RALYL: variants seen among roughly 807,000 people sequenced by gnomAD.
The protein encoded by RALYL is RNA-binding Raly-like protein.
A neutral mutation model predicts 35.1 loss-of-function variants in RALYL; 29 were observed. The observed-to-expected ratio is 0.83, with a 90% confidence interval of 0.61 to 1.13. The LOEUF (loss-of-function observed/expected upper bound fraction) is 1.13, where lower values mean the gene tolerates loss of function less well. Ranked by LOEUF, RALYL falls within the 50% of genes most tolerant of loss-of-function variation. The pLI, the probability that RALYL is intolerant of heterozygous loss-of-function variation, is 0.00. For synonymous variants in RALYL, 120 were observed against 127.6 expected, an observed-to-expected ratio of 0.94 and a Z score of 0.40; for missense variants, 359 against 360.4, an observed-to-expected ratio of 1.00 and a Z score of 0.03.
chr8:84,491,394 A>G (rs1381847554), intron 1 of RALYL, among the ~76,000 whole-genome samples: 1 of 152,074 alleles, frequency 6.6e-6, no homozygotes, highest in East Asian at 1.9e-4. Flanking sequence ...ACAAAGAGAA[A>G]TGTATTTAAA....
intron 1 of RALYL, among the ~76,000 whole-genome samples, chr8:84,426,086 G>T (rs920754608): frequency 6.6e-6 from 1 of 152,034 alleles, no homozygotes; most frequent in Admixed American, 6.6e-5. Flanking sequence ...TTAATGAAAT[G>T]TATTATTTAA....
At position 84,184,989 on chromosome 8, in the gene RALYL, C is replaced by T. The variant is rs768970140; in HGVS notation, c.-24+565C>T. On this transcript the variant is annotated intron_variant, in intron 1 of 8. Transcript: ENST00000521268. ...CCTCGCACGCTCAACTCCTGCTCCT[C>T]CTCTTCGCAATGAGTAAACGACGCA... The T allele has an allele frequency of 5.0e-6, 8 of 1,613,944 alleles. No individual in the cohort carries two copies. In the East Asian group the frequency reaches 1.3e-4, roughly 27 times the overall value.
intron 1 of RALYL, among the ~76,000 whole-genome samples, chr8:84,345,676 C>T (rs913409222): frequency 1.1e-4 from 16 of 152,036 alleles, no homozygotes; most frequent in South Asian, 2.1e-4. Flanking sequence ...CCTTCCTTCA[C>T]GCCCTAATAT....
chr8:84,424,872 G>C (rs1020264204), intron 1 of RALYL, among the ~76,000 whole-genome samples: 1 of 151,750 alleles, frequency 6.6e-6, no homozygotes, highest in Non-Finnish European at 1.5e-5. Context: ...GGGGGTCAGG[G>C]GTCAGGGACC....
At chr8:84,467,598 G>T (rs1041720414) in intron 1 of RALYL, among the ~76,000 whole-genome samples, 10 of 151,134 alleles carry the variant, frequency 6.6e-5, no homozygotes, top group African/African-American at 1.9e-4. Flanking sequence ...GTGGTGTGGT[G>T]CTGAAAAAAA....
At chr8:84,919,165 T>A (rs561176560) in intron 8 of RALYL, among the ~76,000 whole-genome samples, 1 of 152,056 alleles carries the variant, frequency 6.6e-6, no homozygotes, top group South Asian at 2.1e-4. Flanking sequence ...TGCTACAGTA[T>A]TTTTAGCATT....
intron 1 of RALYL, among the ~76,000 whole-genome samples, chr8:84,450,707 C>A (rs1322688958): frequency 6.6e-6 from 1 of 151,810 alleles, no homozygotes; most frequent in African/African-American, 2.4e-5. Context: ...AAGTTAGGCA[C>A]TTTATGGAAT....
At chr8:84,839,409 C>T (rs539823450) in intron 4 of RALYL, among the ~76,000 whole-genome samples, 51 of 152,296 alleles carry the variant, frequency 3.3e-4, no homozygotes, top group Admixed American at 1.2e-3. Context: ...AAGGGGGCAG[C>T]GAAGCTGGGG....
intron 2 of RALYL, among the ~76,000 whole-genome samples, chr8:84,619,832 C>A (rs1403616527): frequency 4.8e-4 from 73 of 150,912 alleles, no homozygotes; most frequent in Admixed American, 2.1e-3. Context: ...GTAAAGTATT[C>A]TATTTCTCCT....
intron 1 of RALYL, among the ~76,000 whole-genome samples, chr8:84,202,367 ATTT>A (rs1187950600): frequency 0.052 from 5,925 of 113,462 alleles, 389 homozygotes; most frequent in African/African-American, 0.18. Flanking sequence ...TATTGAAGGG[ATTT>A]TTTTTTTTTT....
At chr8:84,390,916 A>T (rs1860529664) in intron 1 of RALYL, among the ~76,000 whole-genome samples, 1 of 151,976 alleles carries the variant, frequency 6.6e-6, no homozygotes. Flanking sequence ...GAGGGACTGA[A>T]GCAGTCATCT....
intron 1 of RALYL, among the ~76,000 whole-genome samples, chr8:84,445,677 T>G (rs1055833948): frequency 1.2e-4 from 18 of 151,596 alleles, no homozygotes; most frequent in Admixed American, 8.5e-4. Context: ...ATAACATATA[T>G]AGCTTCACAT....
chr8:84,262,821 TAA>T (rs1832567798), intron 1 of RALYL, among the ~76,000 whole-genome samples: 1 of 152,136 alleles, frequency 6.6e-6, no homozygotes, highest in Non-Finnish European at 1.5e-5. Flanking sequence ...AGGTGTGCAG[TAA>T]AGAGTAGATT....
chr8:84,522,738 A>G (rs1017971963), intron 1 of RALYL, among the ~76,000 whole-genome samples: 26 of 152,196 alleles, frequency 1.7e-4, no homozygotes, highest in Non-Finnish European at 2.8e-4. Context: ...AGACTTCAGC[A>G]GATTATAACT....
chr8:84,725,330 T>C (rs910729500), intron 2 of RALYL, among the ~76,000 whole-genome samples: 5 of 151,874 alleles, frequency 3.3e-5, no homozygotes, highest in Admixed American at 2.0e-4. Context: ...CTTTTTCCAT[T>C]ACTATAGAAA....
At chr8:84,219,314 C>T (rs921657934) in intron 1 of RALYL, among the ~76,000 whole-genome samples, 1 of 151,986 alleles carries the variant, frequency 6.6e-6, no homozygotes, top group East Asian at 1.9e-4. Flanking sequence ...CATTCATTCT[C>T]CTTCCTCCCT....
chr8:84,607,628 G>A (rs944471978), intron 2 of RALYL, among the ~76,000 whole-genome samples: 1 of 152,044 alleles, frequency 6.6e-6, no homozygotes, highest in Non-Finnish European at 1.5e-5. Flanking sequence ...GAGTAATTCG[G>A]TCCACTTGGG....
At position 84,235,124 on chromosome 8, in the gene RALYL, G is replaced by A. The variant is rs1826219978; in HGVS notation, c.-24+50700G>A. On this transcript the variant is annotated intron_variant, in intron 1 of 8. Transcript: ENST00000521268. ...TGTTCTAAGTAGCATTTTCCATTTT[G>A]TTTATTATGAATATTTTATGACAAT... Among the ~76,000 whole-genome samples the A allele has an allele frequency of 1.3e-5, 2 of 152,030 alleles. 1 individual carries two copies. Among genetic ancestry groups the A allele is most frequent in the South Asian group, 4.1e-4 (2 of 4,826 alleles).
At chr8:84,826,065 A>T (rs1046215017) in intron 4 of RALYL, among the ~76,000 whole-genome samples, 12 of 152,066 alleles carry the variant, frequency 7.9e-5, no homozygotes, top group Non-Finnish European at 1.5e-5. Flanking sequence ...AAAAAAATAT[A>T]TTGAATGTTC....
Sources: allele counts gnomAD v4.1 joint callset (sites outside exome capture counted in the v4.1 genomes callset), GRCh38; gene constraint gnomAD v4.1.1; transcripts MANE v1.5; gene names NCBI Gene and HGNC (gene_info 2026-07-23, HGNC 2026-07-21).